STXBP4: variants seen among roughly 807,000 people sequenced by gnomAD.
The protein encoded by STXBP4 is syntaxin binding protein 4, also known as syntaxin-binding protein 4.
STXBP4 carries 55 observed loss-of-function variants against 76.1 expected under a neutral mutation model. That is an observed-to-expected ratio of 0.72 (90% CI 0.58 to 0.91). The LOEUF (loss-of-function observed/expected upper bound fraction) is 0.91. STXBP4 is among the 40% of genes least tolerant of loss of function. STXBP4 has a pLI of 0.00. For synonymous variants in STXBP4, 201 were observed against 220.2 expected (o/e 0.91, Z 0.77); for missense variants, 618 against 636.9 (o/e 0.97, Z 0.32).
intron 12 of STXBP4, 28 bp downstream of exon 12, chr17:55,047,182 G>A (rs759036560): frequency 7.8e-7 from 1 of 1,277,556 alleles, no homozygotes; most frequent in Non-Finnish European, 1.1e-6. Context: ...GTATATATGT[G>A]CTCGTGTGTG....
chr17:55,095,389 C>T lies in STXBP4; in HGVS notation c.1489+14206C>T, dbSNP rs865881120. On this transcript the variant is annotated intron_variant, in intron 16 of 17. Coordinates refer to ENST00000376352, the MANE Select transcript of STXBP4 (RefSeq NM_178509.6). ...ATGATGCCAGAAAGAAACATCCTCC[C>T]GCAAGGCCTGAAAATCTCCTCTTCC... 7.9e-5 allele frequency among the ~76,000 whole-genome samples: 12 copies of T among 152,134 alleles called. No homozygotes were observed. In the East Asian group the frequency reaches 1.5e-3, roughly 20 times the overall value.
intron 1 of STXBP4, among the ~76,000 whole-genome samples, chr17:54,973,051 G>C (rs1399620268): frequency 6.6e-6 from 1 of 152,232 alleles, no homozygotes; most frequent in Admixed American, 6.5e-5. Flanking sequence ...TTCAGCTCCA[G>C]ACATTTTAGA....
chr17:55,077,134 TAC>T (rs1219692819), intron 13 of STXBP4, among the ~76,000 whole-genome samples: 2 of 152,228 alleles, frequency 1.3e-5, no homozygotes, highest in Non-Finnish European at 2.9e-5. Context: ...TCTGATACTG[TAC>T]TTTATTTCCT....
the STXBP4 span, among the ~76,000 whole-genome samples, chr17:55,184,028 C>A: frequency 6.6e-6 from 1 of 151,402 alleles, no homozygotes; most frequent in East Asian, 1.9e-4. Context: ...GTAAAATACA[C>A]TTTTTTTTTC....
chr17:55,204,833 CACACACACACAA>C, the STXBP4 span, among the ~76,000 whole-genome samples: 30,424 of 122,976 alleles, frequency 0.25, 3,542 homozygotes, highest in Non-Finnish European at 0.33. Flanking sequence ...CACACACACA[CACACACACACAA>C]ACACACATAC....
At chr17:54,991,138 G>A (rs1303952737) in intron 4 of STXBP4, 181 bp downstream of exon 4, 1 of 457,868 alleles carries the variant, frequency 2.2e-6, no homozygotes, top group East Asian at 4.1e-5. Context: ...GAAATAAATA[G>A]GTTCTTCTTC....
At chr17:54,971,912 C>T (rs533362673) in intron 1 of STXBP4, among the ~76,000 whole-genome samples, 12 of 152,116 alleles carry the variant, frequency 7.9e-5, no homozygotes, top group South Asian at 4.1e-4. Flanking sequence ...CATGAGCCAC[C>T]GCACCCAGCC....
chr17:55,115,816 C>G (rs891552437), intron 16 of STXBP4, among the ~76,000 whole-genome samples: 4 of 151,812 alleles, frequency 2.6e-5, no homozygotes, highest in African/African-American at 9.7e-5. Flanking sequence ...TGTTATGATA[C>G]AGCAATGTCA....
chr17:55,145,596 A>G (rs1217495358), intron 17 of STXBP4, among the ~76,000 whole-genome samples: 1 of 152,228 alleles, frequency 6.6e-6, no homozygotes, highest in Non-Finnish European at 1.5e-5. Context: ...ATATATTAAT[A>G]CTTTGTCATC....
chr17:55,047,205 T>TGTGTGTGTGTGTGC, intron 12 of STXBP4, 51 bp downstream of exon 12: 1 of 1,072,530 alleles, frequency 9.3e-7, no homozygotes, highest in Non-Finnish European at 1.4e-6. Flanking sequence ...TGTGTGTGTG[T>TGTGTGTGTGTGTGC]GTGTGTGTGT....
chr17:55,030,650 G>A (rs1054713189), intron 8 of STXBP4, among the ~76,000 whole-genome samples: 1 of 152,182 alleles, frequency 6.6e-6, no homozygotes, highest in Admixed American at 6.5e-5. Context: ...TCCCTTAAGG[G>A]GAAGAGCCTG....
the STXBP4 span, among the ~76,000 whole-genome samples, chr17:55,194,798 A>T: frequency 1.3e-5 from 2 of 152,180 alleles, no homozygotes; most frequent in Non-Finnish European, 2.9e-5. Context: ...TCACTGGTGG[A>T]GAAAGGTAGA....
rs1024821051 is a variant in STXBP4 at position 55,160,224 on chromosome 17, T to C, written c.*313T>C. ...TCTTTCTTTGTAATTTCATATGTAG[T>C]TCTTCATAGGGTCTCAGATACAATG... On this transcript the variant is annotated 3_prime_UTR_variant, in exon 18 of 18. Coordinates refer to ENST00000376352, the MANE Select transcript of STXBP4 (RefSeq NM_178509.6). 2 of 166,040 alleles carry C rather than the reference T, an allele frequency of 1.2e-5. No homozygotes were observed. The highest frequency in any genetic ancestry group is 1.3e-4 in the Admixed American group (2 of 15,762). The allele number at this position is 166,040 out of a possible 1,614,324, so 10.3% of individuals were successfully genotyped here.
chr17:55,137,824 G>A (rs1315805943), intron 16 of STXBP4, among the ~76,000 whole-genome samples: 2 of 152,024 alleles, frequency 1.3e-5, no homozygotes, highest in East Asian at 3.9e-4. Context: ...CCTCATAAGT[G>A]TGTTATACTT....
rs1386103239 is a variant in STXBP4 at position 55,164,494 on chromosome 17, A to T, written c.*4583A>T. On this transcript the variant is annotated 3_prime_UTR_variant, in exon 18 of 18. Coordinates refer to ENST00000376352, the MANE Select transcript of STXBP4 (RefSeq NM_178509.6). ...AGTCTCGCTCTGTCGCCCAGGCGGGACTGCGGACTGCAGCGGCGCAATCTC... is the reference window on the plus strand; with the variant it reads ...AGTCTCGCTCTGTCGCCCAGGCGGGTCTGCGGACTGCAGCGGCGCAATCTC... 23 of 121,886 alleles carry T rather than the reference A, an allele frequency of 1.9e-4. No homozygotes were observed. The highest frequency in any genetic ancestry group is 3.2e-4 in the Non-Finnish European group (20 of 63,030). The allele number at this position is 121,886 out of a possible 1,614,324, so 7.6% of individuals were successfully genotyped here. A position where few individuals can be genotyped will look rare whatever the true frequency, so the allele number is the denominator to read the frequency against.
chr17:55,212,031 G>T, the STXBP4 span, among the ~76,000 whole-genome samples: 1 of 151,122 alleles, frequency 6.6e-6, no homozygotes, highest in Non-Finnish European at 1.5e-5. Flanking sequence ...TGTCTGTCAG[G>T]CTGGTCTCGA....
intron 16 of STXBP4, among the ~76,000 whole-genome samples, chr17:55,140,502 A>G (rs1316662451): frequency 1.3e-5 from 2 of 152,094 alleles, no homozygotes; most frequent in East Asian, 3.9e-4. Context: ...CAGTACTTGG[A>G]TGGAACAGAG....
the STXBP4 span, among the ~76,000 whole-genome samples, chr17:55,211,799 G>GTTGT: frequency 4.1e-5 from 2 of 49,002 alleles, no homozygotes; most frequent in African/African-American, 1.2e-4. Context: ...GTTTTTTGTT[G>GTTGT]TTTTTTTTTT....
At chr17:55,068,819 A>T (rs1352439438) in intron 12 of STXBP4, among the ~76,000 whole-genome samples, 1 of 152,178 alleles carries the variant, frequency 6.6e-6, no homozygotes, top group Non-Finnish European at 1.5e-5. Context: ...GAAAATTTTT[A>T]AAAGTGTAAA....
Sources: gnomAD v4.1 joint callset for allele counts (sites outside exome capture counted in the v4.1 genomes callset) on GRCh38, gnomAD v4.1.1 for gene constraint, MANE v1.5 for transcripts, NCBI Gene and HGNC (gene_info 2026-07-23, HGNC 2026-07-21) for gene names.